LRFN5: variants seen among roughly 807,000 people sequenced by gnomAD.
LRFN5 encodes leucine-rich repeat and fibronectin type-III domain-containing protein 5.
A neutral mutation model predicts 45.6 loss-of-function variants in LRFN5; 24 were observed. That is an observed-to-expected ratio of 0.53 (90% CI 0.38 to 0.74). The LOEUF (loss-of-function observed/expected upper bound fraction) is 0.74. LRFN5 is among the 30% of genes least tolerant of loss of function. The probability of loss-of-function intolerance (pLI) is 0.00; values close to 1 mark genes in which losing one functional copy is unlikely to be tolerated. For missense variants in LRFN5, 776 were observed against 861.5 expected, an observed-to-expected ratio of 0.90 and a Z score of 1.24; for synonymous variants, 340 against 313.8, an observed-to-expected ratio of 1.08 and a Z score of -0.88.
chr14:41,623,717 A>G (rs550797282), intron 1 of LRFN5, among the ~76,000 whole-genome samples: 1 of 152,206 alleles, frequency 6.6e-6, no homozygotes, highest in African/African-American at 2.4e-5. Context: ...ATCAACTTAT[A>G]TTATTATTAT....
At chr14:41,741,123 T>C (rs552830354) in intron 1 of LRFN5, among the ~76,000 whole-genome samples, 1 of 151,762 alleles carries the variant, frequency 6.6e-6, no homozygotes, top group East Asian at 1.9e-4. Context: ...AAATTTACTA[T>C]TTTAAAAACA....
At chr14:41,888,087 T>G in intron 3 of LRFN5, 77 bp downstream of exon 3, 2 of 1,154,518 alleles carry the variant, frequency 1.7e-6, no homozygotes, top group Non-Finnish European at 2.5e-6. Context: ...CTGATTTTTT[T>G]TAATTGGCAG....
intron 1 of LRFN5, among the ~76,000 whole-genome samples, chr14:41,645,920 A>G (rs1879794564): frequency 1.3e-5 from 2 of 152,200 alleles, no homozygotes; most frequent in East Asian, 3.8e-4. Context: ...CAACTTCATG[A>G]AAATTAACCC....
At chr14:41,629,716 C>T (rs1888470236) in intron 1 of LRFN5, among the ~76,000 whole-genome samples, 1 of 152,156 alleles carries the variant, frequency 6.6e-6, no homozygotes, top group Admixed American at 6.5e-5. Flanking sequence ...TGGAAGGAGG[C>T]ATTCCCAGTG....
At chr14:41,773,663 G>A (rs1231126043) in intron 2 of LRFN5, among the ~76,000 whole-genome samples, 2 of 151,984 alleles carry the variant, frequency 1.3e-5, no homozygotes, top group Non-Finnish European at 2.9e-5. Context: ...GTGAGGTAAG[G>A]CAGTACACTG....
chr14:41,863,326 G>T lies in LRFN5; in HGVS notation c.-20-23280G>T, dbSNP rs114520846. On this transcript the variant is annotated intron_variant, in intron 2 of 5. Coordinates refer to ENST00000298119, the MANE Select transcript of LRFN5 (RefSeq NM_152447.5). ...TATTTTACTTGCTTAGGATTAATTT[G>T]TTGTTCTCTTTAAAACATTTGAAGA... 4.8e-3 allele frequency among the ~76,000 whole-genome samples: 737 copies of T among 152,044 alleles called. 5 individuals carry two copies. Among genetic ancestry groups the T allele is most frequent in the African/African-American group, 0.017 (697 of 41,462 alleles).
chr14:41,750,982 G>A (rs976862338), intron 1 of LRFN5, among the ~76,000 whole-genome samples: 6 of 151,708 alleles, frequency 4.0e-5, no homozygotes, highest in Admixed American at 2.0e-4. Context: ...AGCCCCCTAC[G>A]TCCCGACAGG....
chr14:41,705,436 T>C (rs1243962843), intron 1 of LRFN5, among the ~76,000 whole-genome samples: 2 of 152,192 alleles, frequency 1.3e-5, no homozygotes, highest in African/African-American at 4.8e-5. Context: ...TAATACATAC[T>C]ATTTTGCATT....
chr14:41,674,442 G>A (rs1224538648), intron 1 of LRFN5, among the ~76,000 whole-genome samples: 6 of 133,402 alleles, frequency 4.5e-5, no homozygotes, highest in African/African-American at 1.7e-4. Flanking sequence ...TCACTTCCCA[G>A]TAGGGGCGGC....
intron 2 of LRFN5, among the ~76,000 whole-genome samples, chr14:41,829,715 T>G (rs1888413806): frequency 1.3e-5 from 2 of 151,568 alleles, no homozygotes; most frequent in Admixed American, 1.3e-4. Flanking sequence ...CTTACCTTTT[T>G]ATTAATTAAA....
At chr14:41,625,305 A>G (rs12586946) in intron 1 of LRFN5, among the ~76,000 whole-genome samples, 1 of 152,012 alleles carries the variant, frequency 6.6e-6, no homozygotes, top group Non-Finnish European at 1.5e-5. Flanking sequence ...CATTTCCCCT[A>G]TGCTGTTCTT....
chr14:41,623,259 C>T (rs1888199621), intron 1 of LRFN5, among the ~76,000 whole-genome samples: 1 of 152,054 alleles, frequency 6.6e-6, no homozygotes. Context: ...TGTCCCCACC[C>T]GAATCTCATC....
At chr14:41,745,026 C>T (rs894424047) in intron 1 of LRFN5, among the ~76,000 whole-genome samples, 5 of 152,004 alleles carry the variant, frequency 3.3e-5, no homozygotes, top group Admixed American at 3.3e-4. Context: ...AATAAGACAA[C>T]CGGACCTAAC....
chr14:41,814,682 C>T (rs148492523), intron 2 of LRFN5, among the ~76,000 whole-genome samples: 1 of 152,136 alleles, frequency 6.6e-6, no homozygotes, highest in African/African-American at 2.4e-5. Flanking sequence ...CTGCTCCCCC[C>T]ACTTTGTATT....
chr14:41,689,296 A>C (rs377734911), intron 1 of LRFN5, among the ~76,000 whole-genome samples: 3 of 152,152 alleles, frequency 2.0e-5, no homozygotes, highest in African/African-American at 7.2e-5. Context: ...AACGATAGAC[A>C]AACACAACAA....
At chr14:41,839,616 C>T (rs1888789894) in intron 2 of LRFN5, among the ~76,000 whole-genome samples, 1 of 152,076 alleles carries the variant, frequency 6.6e-6, no homozygotes, top group South Asian at 2.1e-4. Flanking sequence ...GGACTACATG[C>T]TCAAGCTAAA....
intron 2 of LRFN5, among the ~76,000 whole-genome samples, chr14:41,826,876 T>TAAGTAATTATTTTGATTCACAAAA (rs1888314230): frequency 6.6e-6 from 1 of 152,160 alleles, no homozygotes; most frequent in Admixed American, 6.5e-5. Context: ...ATTCACAAAA[T>TAAGTAATTATTTTGATTCACAAAA]AAGTAATTAT....
intron 1 of LRFN5, among the ~76,000 whole-genome samples, chr14:41,715,903 G>A (rs1883473289): frequency 6.6e-6 from 1 of 152,168 alleles, no homozygotes; most frequent in Admixed American, 6.5e-5. Context: ...CTCCATGAGG[G>A]CCCTGCCCCT....
At chr14:41,893,269 AT>A (rs1388056755) in intron 4 of LRFN5, 2 of 953,694 alleles carry the variant, frequency 2.1e-6, no homozygotes, top group East Asian at 1.2e-4. Context: ...ATTATTAGAA[AT>A]TTACTGAAAT....
Sources: allele counts gnomAD v4.1 joint callset (sites outside exome capture counted in the v4.1 genomes callset), GRCh38; gene constraint gnomAD v4.1.1; transcripts MANE v1.5; gene names NCBI Gene and HGNC (gene_info 2026-07-23, HGNC 2026-07-21).